CNTN5: variants seen among roughly 807,000 people sequenced by gnomAD.
The protein encoded by CNTN5 is contactin-5.
In CNTN5, 77 loss-of-function variants were observed where a neutral mutation model predicts 129.1. That is an observed-to-expected ratio of 0.60 (90% CI 0.50 to 0.72). The LOEUF (loss-of-function observed/expected upper bound fraction) is 0.72, where lower values mean the gene tolerates loss of function less well. Among genes scored for constraint, CNTN5 ranks in the 30% least tolerant of loss-of-function variants. CNTN5 has a pLI of 0.00. For synonymous variants in CNTN5, 509 were observed against 465.6 expected (o/e 1.09, Z -1.20); for missense variants, 1,478 against 1,328.8 (o/e 1.11, Z -1.75).
At chr11:99,214,418 G>T (rs1362441178) in intron 1 of CNTN5, among the ~76,000 whole-genome samples, 1 of 144,564 alleles carries the variant, frequency 6.9e-6, no homozygotes, top group Non-Finnish European at 1.5e-5. Flanking sequence ...TATATATAAT[G>T]TTCTAAAGCA....
chr11:100,116,543 C>T (rs1214048796), intron 13 of CNTN5, among the ~76,000 whole-genome samples: 1 of 151,308 alleles, frequency 6.6e-6, no homozygotes, highest in African/African-American at 2.4e-5. Context: ...ACTTGGTTAC[C>T]TAAAAAGAGA....
intron 7 of CNTN5, among the ~76,000 whole-genome samples, chr11:99,936,537 A>C (rs114890217): frequency 6.6e-6 from 1 of 152,114 alleles, no homozygotes; most frequent in Non-Finnish European, 1.5e-5. Context: ...AGACTATCCT[A>C]TAACAGTGGA....
chr11:99,247,262 T>C (rs932397140), intron 1 of CNTN5, among the ~76,000 whole-genome samples: 2 of 152,120 alleles, frequency 1.3e-5, no homozygotes, highest in African/African-American at 4.8e-5. Context: ...TTTAAAGATA[T>C]AATTTGTTTT....
At chr11:99,781,144 G>GCA (rs1945296432) in intron 3 of CNTN5, among the ~76,000 whole-genome samples, 1 of 152,090 alleles carries the variant, frequency 6.6e-6, no homozygotes, top group African/African-American at 2.4e-5. Flanking sequence ...GAATCAAATA[G>GCA]CACACACACA....
At chr11:100,019,945 T>A (rs1253527218) in intron 9 of CNTN5, among the ~76,000 whole-genome samples, 3 of 152,040 alleles carry the variant, frequency 2.0e-5, no homozygotes, top group Non-Finnish European at 4.4e-5. Flanking sequence ...TACCTCTTTT[T>A]TTGAGAACTG....
At chr11:99,582,137 A>C (rs1432448356) in intron 3 of CNTN5, among the ~76,000 whole-genome samples, 3 of 152,108 alleles carry the variant, frequency 2.0e-5, no homozygotes, top group African/African-American at 7.2e-5. Context: ...TTTCTTTAAG[A>C]ATGTTGAATA....
At chr11:99,584,983 T>A (rs1359589760) in intron 3 of CNTN5, among the ~76,000 whole-genome samples, 1 of 151,972 alleles carries the variant, frequency 6.6e-6, no homozygotes, top group Non-Finnish European at 1.5e-5. Context: ...AAACTAAAAT[T>A]TTTGAAGACT....
intron 9 of CNTN5, among the ~76,000 whole-genome samples, chr11:100,045,720 T>TAA (rs34822140): frequency 5.9e-4 from 83 of 140,706 alleles, no homozygotes; most frequent in Middle Eastern, 7.6e-3. Context: ...CATTTATTAT[T>TAA]AAAAAAAAAA....
chr11:99,778,216 T>C (rs1329602766), intron 3 of CNTN5, among the ~76,000 whole-genome samples: 1 of 151,814 alleles, frequency 6.6e-6, no homozygotes, highest in East Asian at 1.9e-4. Context: ...AAACATTCTT[T>C]AGGTATGTCC....
At chr11:99,142,176 C>T (rs1565350962) in intron 1 of CNTN5, among the ~76,000 whole-genome samples, 1 of 152,082 alleles carries the variant, frequency 6.6e-6, no homozygotes, top group Non-Finnish European at 1.5e-5. Context: ...AGGGTAAGCA[C>T]CTGTTGCACT....
intron 1 of CNTN5, among the ~76,000 whole-genome samples, chr11:99,279,861 C>A (rs1206220085): frequency 6.6e-6 from 1 of 151,472 alleles, no homozygotes; most frequent in Non-Finnish European, 1.5e-5. Flanking sequence ...TTACAGGTGG[C>A]TCGGTGCTTT....
Position 99,154,015 on chromosome 11 carries a change from T to C in CNTN5, c.-210+132745T>C, listed in dbSNP as rs116318669. 1.6e-3 allele frequency among the ~76,000 whole-genome samples: 243 copies of C among 152,228 alleles called. 2 individuals are homozygous for C. The highest frequency in any genetic ancestry group is 5.6e-3 in the African/African-American group (232 of 41,532). On this transcript the variant is annotated intron_variant, in intron 1 of 24. Transcript: ENST00000524871. ...CTGGCCCCTAGAGGTTAGGAATCTG[T>C]TGCATTGGAGGGTCTGAGGTGTTCC...
chr11:99,833,565 T>G (rs1947211858), intron 4 of CNTN5, among the ~76,000 whole-genome samples: 1 of 152,222 alleles, frequency 6.6e-6, no homozygotes, highest in African/African-American at 2.4e-5. Flanking sequence ...TAGGCTAGGA[T>G]AAACTCTGAT....
chr11:99,825,066 G>A (rs970101652), intron 4 of CNTN5, among the ~76,000 whole-genome samples: 1 of 151,900 alleles, frequency 6.6e-6, no homozygotes, highest in East Asian at 1.9e-4. Context: ...TGCTCATATG[G>A]CGTTGTCTAA....
intron 1 of CNTN5, among the ~76,000 whole-genome samples, chr11:99,240,824 T>G (rs1389612481): frequency 1.3e-5 from 2 of 152,146 alleles, no homozygotes; most frequent in Admixed American, 6.5e-5. Context: ...AAGATTCTAT[T>G]TGGATTTAGA....
At chr11:99,049,175 C>T (rs1244594679) in intron 1 of CNTN5, among the ~76,000 whole-genome samples, 2 of 152,046 alleles carry the variant, frequency 1.3e-5, no homozygotes, top group Non-Finnish European at 2.9e-5. Flanking sequence ...TTCTTTGCAC[C>T]TGACTTTCCT....
In CNTN5 at chr11:99,054,879, G is replaced by C. The variant is rs150073317; in HGVS notation, c.-210+33609G>C. On this transcript the variant is annotated intron_variant, in intron 1 of 24. Transcript: ENST00000524871. ...TTAGGATTTAAGTGCTCAGTTTATT[G>C]TTCAGATGAGTGTTAGGAAGTTCGT... Among the ~76,000 whole-genome samples, 800 of 152,000 alleles carry C rather than the reference G, an allele frequency of 5.3e-3. 4 individuals carry two copies. The highest frequency in any genetic ancestry group is 7.2e-3 in the Non-Finnish European group (487 of 67,944).
At chr11:99,886,193 A>G (rs1022879552) in intron 6 of CNTN5, among the ~76,000 whole-genome samples, 4 of 152,064 alleles carry the variant, frequency 2.6e-5, no homozygotes, top group Non-Finnish European at 5.9e-5. Flanking sequence ...ACTGTAATAT[A>G]TTCACATATT....
chr11:99,194,851 C>T lies in CNTN5; in HGVS notation c.-209-130495C>T, dbSNP rs373746004. ...AACTCCTGAGCTCAGGCAATCCACC[C>T]GCCTTGTCCTCCTAAAATGCTAGGA... On this transcript the variant is annotated intron_variant, in intron 1 of 24. Transcript: ENST00000524871. Among the ~76,000 whole-genome samples, 106 of 152,272 alleles carry T rather than the reference C, an allele frequency of 7.0e-4. 2 individuals are homozygous for T. The South Asian group carries it at 0.016, about 22-fold the overall frequency.
Sources: gnomAD v4.1 joint callset for allele counts (sites outside exome capture counted in the v4.1 genomes callset) on GRCh38, gnomAD v4.1.1 for gene constraint, MANE v1.5 for transcripts, NCBI Gene and HGNC (gene_info 2026-07-23, HGNC 2026-07-21) for gene names.